The following MGAT4B variants were observed in gnomAD, a reference collection of about 807,000 sequenced individuals.
The protein encoded by MGAT4B is alpha-1,3-mannosyl-glycoprotein 4-beta-N-acetylglucosaminyltransferase B.
A neutral mutation model predicts 73.9 loss-of-function variants in MGAT4B; 38 were observed. The observed-to-expected ratio is 0.51, with a 90% CI of 0.40 to 0.67. The LOEUF is 0.67. MGAT4B is among the 30% of genes least tolerant of loss of function. The probability of loss-of-function intolerance (pLI) is 0.00; values close to 1 mark genes in which losing one functional copy is unlikely to be tolerated. For missense variants in MGAT4B, 686 were observed against 735.2 expected, an observed-to-expected ratio of 0.93 and a Z score of 0.77; for synonymous variants, 373 against 313.5, an observed-to-expected ratio of 1.19 and a Z score of -2.01.
At chr5:179,804,263 C>T (rs2113440402) in intron 1 of MGAT4B, among the ~76,000 whole-genome samples, 1 of 152,326 alleles carries the variant, frequency 6.6e-6, no homozygotes, top group South Asian at 2.1e-4. Flanking sequence ...AGATATCAGG[C>T]CCGTTAACGG....
chr5:179,799,682 C>T, intron 8 of MGAT4B, 46 bp from the exon 9 acceptor site: 1 of 1,610,740 alleles, frequency 6.2e-7, no homozygotes, highest in Non-Finnish European at 8.5e-7. Context: ...TGCCTACTTC[C>T]TTTCTCCCTG....
rs1397110678 is a variant in MGAT4B, at chr5:179,799,693, C to T, written c.911-57G>A. 17 of 1,607,950 alleles carry T rather than the reference C, an allele frequency of 1.1e-5. No individual in the cohort carries two copies. In the South Asian group the frequency reaches 1.4e-4, roughly 14 times the overall value. On this transcript the variant is annotated intron_variant, in intron 8 of 14. Coordinates refer to ENST00000292591, the MANE Select transcript of MGAT4B (RefSeq NM_014275.5). ...GCTCTGCCTACTTCCTTTCTCCCTG[C>T]AGCGGCCCCCGAGTCCCACAGCAAA...
chr5:179,801,683 A>G lies in MGAT4B; in HGVS notation c.295T>C (p.Leu99=). 3.7e-6 allele frequency: 6 copies of G among 1,608,890 alleles called. No individual in the cohort carries two copies. Among genetic ancestry groups the G allele is most frequent in the Non-Finnish European group, 5.1e-6 (6 of 1,178,888 alleles). ...TWGRLTEDPR[L]KPWNGSHRHV... is the part of the protein sequence containing the mutation. ...CGGTGTGAGCCGTTCCACGGCTTCA[A>G]TCGGGGGTCCTCTGGGTGGGTCGGG... Residue 99 remains leucine, a synonymous_variant, in exon 3 of 15, where the codon TTG becomes CTG. Coordinates refer to ENST00000292591, the MANE Select transcript of MGAT4B (RefSeq NM_014275.5). The surrounding 1 kb of genome is among the most constrained non-coding windows in gnomAD (Gnocchi z 4.8).
intron 1 of MGAT4B, 108 bp from the exon 2 acceptor site, chr5:179,802,077 T>C (rs1756972176): frequency 1.9e-6 from 3 of 1,588,814 alleles, no homozygotes; most frequent in African/African-American, 2.7e-5. Flanking sequence ...CAATAGCTCA[T>C]TGACATCTGT....
intron 1 of MGAT4B, among the ~76,000 whole-genome samples, chr5:179,804,222 G>A (rs1757052291): frequency 6.6e-6 from 1 of 152,248 alleles, no homozygotes. Flanking sequence ...TTGTACTCAG[G>A]GAAAAGGGAC....
intron 1 of MGAT4B, chr5:179,802,551 C>T (rs1756990360): frequency 1.0e-6 from 1 of 998,478 alleles, no homozygotes; most frequent in African/African-American, 1.7e-5. Flanking sequence ...CCTGGGGCTG[C>T]TCAAGGACAG....
At chr5:179,804,103 T>C (rs1178823444) in intron 1 of MGAT4B, among the ~76,000 whole-genome samples, 1 of 152,246 alleles carries the variant, frequency 6.6e-6, no homozygotes, top group Non-Finnish European at 1.5e-5. Flanking sequence ...CACCCTCCCC[T>C]GGAGGCGAGT....
intron 1 of MGAT4B, among the ~76,000 whole-genome samples, chr5:179,805,682 G>A (rs113312632): frequency 7.2e-5 from 11 of 152,382 alleles, no homozygotes; most frequent in African/African-American, 2.6e-4. Flanking sequence ...GGGAGGCCGA[G>A]GGGCAGCTGG....
At chr5:179,798,321 CA>C (rs781014343) in intron 13 of MGAT4B, 25 bp downstream of exon 13, 10 of 1,613,002 alleles carry the variant, frequency 6.2e-6, no homozygotes, top group Non-Finnish European at 8.5e-6. Context: ...AACCCCAGCC[CA>C]CGCTCTCCCC....
chr5:179,798,821 T>C (rs1257888161), intron 11 of MGAT4B, 107 bp downstream of exon 11: 5 of 1,369,104 alleles, frequency 3.7e-6, no homozygotes, highest in Admixed American at 2.0e-5. Context: ...CGAGGCCCAC[T>C]TCAGATGCGG....
At position 179,799,243 on chromosome 5, in the gene MGAT4B, C is replaced by T; in HGVS notation, c.1109G>A (p.Gly370Asp). ...CTTGCCAGCCAGCGAGGAGTGAGTGCCCACGTGCTGGAAGAGGGACGGTTT... is the reference window on the plus strand; with the variant it reads ...CTTGCCAGCCAGCGAGGAGTGAGTGTCCACGTGCTGGAAGAGGGACGGTTT... ...RFKPSLFQHVGTHSSLAGKIQ... is the reference protein window; with the variant it reads ...RFKPSLFQHVDTHSSLAGKIQ... Residue 370 changes from glycine (G) to aspartate (D), a missense_variant, in exon 10 of 15, where the codon GGC (glycine) becomes GAC (aspartate). By Grantham distance (94) the Gly-to-Asp change is moderately conservative. This residue lies in a region of MGAT4B where 449 missense variants were observed against 536.8 expected (regional missense o/e 0.84). Coordinates refer to ENST00000292591, the MANE Select transcript of MGAT4B (RefSeq NM_014275.5). 6.2e-7 allele frequency: 1 copy of T among 1,614,022 alleles called. No homozygotes were observed. The highest frequency in any genetic ancestry group is 8.5e-7 in the Non-Finnish European group (1 of 1,180,042).
At position 179,799,559 on chromosome 5, in the gene MGAT4B, A is replaced by G; in HGVS notation, c.988T>C (p.Trp330Arg). ...LMFYRDKPID[W>R]LLDHILWVKV... Reference sequence around the variant, plus strand: ...ACCCACAGAATATGGTCCAGGAGCCAGTCGATGGGCTTGTCCCGGTAGAAC... The same window carrying G: ...ACCCACAGAATATGGTCCAGGAGCCGGTCGATGGGCTTGTCCCGGTAGAAC... The change falls in exon 9 of 15, where the codon TGG becomes CGG. Residue 330 changes from tryptophan (W) to arginine (R), a missense_variant. Transcript: ENST00000292591. The G allele has an allele frequency of 6.2e-7, 1 of 1,614,016 alleles. No individual in the cohort carries two copies. Among genetic ancestry groups the G allele is most frequent in the South Asian group, 1.1e-5 (1 of 91,084 alleles).
chr5:179,799,493 A>T lies in MGAT4B; in HGVS notation c.1041+13T>A. The T allele has an allele frequency of 6.2e-7, 1 of 1,613,510 alleles. No individual in the cohort carries two copies. Among genetic ancestry groups the T allele is most frequent in the Non-Finnish European group, 8.5e-7 (1 of 1,179,908 alleles). On this transcript the variant is annotated intron_variant, in intron 9 of 14. Transcript: ENST00000292591. ...TGGCCCTGCCCCTGCCAGTCCCGCC[A>T]GCTCTTGCTCACCGCATCCTTCTCG...
At chr5:179,802,029 C>T (rs777883455) in intron 1 of MGAT4B, 60 bp from the exon 2 acceptor site, 1 of 1,612,224 alleles carries the variant, frequency 6.2e-7, no homozygotes, top group Non-Finnish European at 8.5e-7. Flanking sequence ...ACGGGCCCCT[C>T]CAGTGTGCCA....
At chr5:179,804,823 A>G (rs924115096) in intron 1 of MGAT4B, 1 of 152,228 alleles carries the variant, frequency 6.6e-6, no homozygotes, top group Non-Finnish European at 1.5e-5. Flanking sequence ...ATGGGTTCAC[A>G]TAAGAGCCCA....
In MGAT4B at chr5:179,799,547, G is replaced by C. The variant is rs764119309; in HGVS notation, c.1000C>G (p.His334Asp). Residue 334 changes from histidine to aspartate, a missense_variant, in exon 9 of 15, where the codon CAT (histidine) becomes GAT (aspartate). Physicochemically the swap from His to Asp is moderately conservative, Grantham distance 81. This residue lies in a region of MGAT4B where 449 missense variants were observed against 536.8 expected (regional missense o/e 0.84). Coordinates refer to ENST00000292591, the MANE Select transcript of MGAT4B (RefSeq NM_014275.5). ...TTGCAGACTTTCACCCACAGAATATGGTCCAGGAGCCAGTCGATGGGCTTG... is the reference window on the plus strand; with the variant it reads ...TTGCAGACTTTCACCCACAGAATATCGTCCAGGAGCCAGTCGATGGGCTTG... ...RDKPIDWLLD[H>D]ILWVKVCNPE... is the part of the protein sequence containing the mutation. 6.2e-7 allele frequency: 1 copy of C among 1,613,990 alleles called. No homozygotes were observed. The highest frequency in any genetic ancestry group is 8.5e-7 in the Non-Finnish European group (1 of 1,180,024).
rs1304124298 is a variant in MGAT4B at position 179,801,149 on chromosome 5, C to CG, written c.558+184dup. ...CGCATGGCCAAGGACTAGGGGGTGG[C>CG]GGGGGCGATGGGTAGGGGTAGAGGG... is the stretch of plus-strand genomic sequence containing the variant. On this transcript the variant is annotated intron_variant, in intron 4 of 14. Coordinates refer to ENST00000292591, the MANE Select transcript of MGAT4B (RefSeq NM_014275.5). This position sits in a 1 kb window ranked among gnomAD's most constrained non-coding sequence, Gnocchi z 4.8. Among the ~76,000 whole-genome samples the CG allele has an allele frequency of 6.6e-6, 1 of 151,590 alleles. No individual in the cohort carries two copies. Among genetic ancestry groups the CG allele is most frequent in the African/African-American group, 2.4e-5 (1 of 41,070 alleles).
At chr5:179,800,744 A>G in intron 5 of MGAT4B, 147 bp from the exon 6 acceptor site, 1 of 985,708 alleles carries the variant, frequency 1.0e-6, no homozygotes, top group Non-Finnish European at 1.5e-6. Context: ...GCAGAGCTCC[A>G]GAGGGGCTGG....
At position 179,806,704 on chromosome 5, in the gene MGAT4B, G is replaced by T. The variant is rs541223323; in HGVS notation, c.-121C>A. On this transcript the variant is annotated 5_prime_UTR_variant, in exon 1 of 15. Coordinates refer to ENST00000292591, the MANE Select transcript of MGAT4B (RefSeq NM_014275.5). This position sits in a 1 kb window ranked among gnomAD's most constrained non-coding sequence, Gnocchi z 4.6. ...GGCAGGGGCCCCGGCCCCGGGTCGG[G>T]GAGGGGCGGGGGGCCCGGGGCCGGG... 2.0e-3 allele frequency: 436 copies of T among 221,044 alleles called. 3 individuals are homozygous for T. The highest frequency in any genetic ancestry group is 2.8e-3 in the Non-Finnish European group (379 of 133,530). The allele number at this position is 221,044 out of a possible 1,614,324, so 13.7% of individuals were successfully genotyped here.
Sources: allele counts gnomAD v4.1 joint callset (sites outside exome capture counted in the v4.1 genomes callset), GRCh38; gene constraint gnomAD v4.1.1; regional missense constraint gnomAD v4.1.1; non-coding constraint Gnocchi (gnomAD v3.1); transcripts MANE v1.5; gene names NCBI Gene and HGNC (gene_info 2026-07-23, HGNC 2026-07-21).